RBM39: variants seen among roughly 807,000 people sequenced by gnomAD.
The protein encoded by RBM39 is RNA-binding protein 39.
RBM39 carries 12 observed loss-of-function variants against 79.6 expected under a neutral mutation model. That is an observed-to-expected ratio of 0.15 (90% CI 0.10 to 0.24). The LOEUF is 0.24. Among genes scored for constraint, RBM39 ranks in the 10% least tolerant of loss-of-function variants. RBM39 has a pLI of 1.00. For synonymous variants in RBM39, 185 were observed against 208.4 expected (o/e 0.89, Z 0.97); for missense variants, 243 against 653.4 (o/e 0.37, Z 6.85).
At chr20:35,716,339 G>C (rs890620264) in intron 10 of RBM39, among the ~76,000 whole-genome samples, 2 of 152,162 alleles carry the variant, frequency 1.3e-5, no homozygotes, top group African/African-American at 4.8e-5. Flanking sequence ...CTCCCAAAGT[G>C]CTGGGATTAC....
At chr20:35,729,785 C>A (rs141152319) in intron 4 of RBM39, among the ~76,000 whole-genome samples, 6 of 151,482 alleles carry the variant, frequency 4.0e-5, no homozygotes, top group African/African-American at 1.5e-4. Flanking sequence ...ATGCACACAC[C>A]CATTTTCAGA....
intron 13 of RBM39, 78 bp downstream of exon 13, chr20:35,709,146 A>G: frequency 7.5e-7 from 1 of 1,331,318 alleles, no homozygotes; most frequent in East Asian, 2.3e-5. Context: ...AAATATGACA[A>G]TAAATATAGA....
chr20:35,721,098 G>A (rs866903594), intron 9 of RBM39, among the ~76,000 whole-genome samples: 5 of 151,842 alleles, frequency 3.3e-5, no homozygotes, highest in East Asian at 1.9e-4. Context: ...GCACCAACAC[G>A]CCCAGCTAAT....
intron 2 of RBM39, 120 bp downstream of exon 2, chr20:35,740,704 G>T: frequency 7.7e-7 from 1 of 1,295,922 alleles, no homozygotes; most frequent in Non-Finnish European, 1.1e-6. Flanking sequence ...TACACGTAAT[G>T]CATCTCTGAT....
At chr20:35,725,225 C>G in intron 6 of RBM39, 70 bp from the exon 7 acceptor site, 5 of 1,097,916 alleles carry the variant, frequency 4.6e-6, no homozygotes, top group Non-Finnish European at 6.6e-6. Flanking sequence ...TTTTTTATTT[C>G]TTCATATAGT....
intron 12 of RBM39, among the ~76,000 whole-genome samples, chr20:35,710,132 AAT>A (rs2036223749): frequency 1.3e-5 from 2 of 152,154 alleles, no homozygotes; most frequent in Non-Finnish European, 2.9e-5. Context: ...TTTTTATAGA[AAT>A]ATATGACATC....
intron 3 of RBM39, chr20:35,736,696 G>A (rs368266321): frequency 1.7e-4 from 73 of 421,496 alleles, no homozygotes; most frequent in African/African-American, 1.4e-3. Context: ...CTGTCTCCAG[G>A]CTGGAGTACA....
At chr20:35,717,101 G>A (rs969088493) in intron 9 of RBM39, among the ~76,000 whole-genome samples, 1 of 152,030 alleles carries the variant, frequency 6.6e-6, no homozygotes, top group African/African-American at 2.4e-5. Context: ...CCAACATGAC[G>A]AAATCAGGTC....
intron 14 of RBM39, 81 bp from the exon 15 acceptor site, chr20:35,705,411 T>TA (rs1757927537): frequency 1.3e-6 from 1 of 797,818 alleles, no homozygotes; most frequent in Non-Finnish European, 1.9e-6. Context: ...AAAATTTAAA[T>TA]ATTCTATGAA....
intron 3 of RBM39, chr20:35,732,623 G>A (rs2039496131): frequency 1.3e-5 from 2 of 156,590 alleles, no homozygotes; most frequent in African/African-American, 2.4e-5. Context: ...AAAATCAGCA[G>A]ACAAGACATT....
intron 1 of RBM39, among the ~76,000 whole-genome samples, 197 bp from the exon 2 acceptor site, chr20:35,741,084 A>T (rs1433161879): frequency 9.1e-6 from 1 of 109,338 alleles, no homozygotes; most frequent in Non-Finnish European, 1.7e-5. Flanking sequence ...GCCCAGGCTG[A>T]AGTGCAGTAG....
At chr20:35,740,918 A>G (rs1292812021) in intron 1 of RBM39, 31 bp from the exon 2 acceptor site, 2 of 1,513,788 alleles carry the variant, frequency 1.3e-6, no homozygotes, top group South Asian at 1.2e-5. Flanking sequence ...TTTCTTGAGT[A>G]AACATTTCTC....
intron 10 of RBM39, among the ~76,000 whole-genome samples, chr20:35,715,229 C>T (rs1600441293): frequency 6.6e-6 from 1 of 152,200 alleles, no homozygotes; most frequent in South Asian, 2.1e-4. Context: ...GTTTCATATA[C>T]ATGAGTGGCA....
At chr20:35,709,459 G>C in intron 12 of RBM39, 185 bp from the exon 13 acceptor site, 2 of 549,570 alleles carry the variant, frequency 3.6e-6, no homozygotes. Context: ...CTCTTATCCT[G>C]GGAAACTTAC....
At chr20:35,704,847 C>G (rs1030125592) in intron 15 of RBM39, 101 bp from the exon 16 acceptor site, 1 of 937,104 alleles carries the variant, frequency 1.1e-6, no homozygotes, top group African/African-American at 1.7e-5. Flanking sequence ...TGCTCTATAA[C>G]CACAAACTGG....
chr20:35,711,437 G>A (rs1039892428), intron 12 of RBM39, among the ~76,000 whole-genome samples: 2 of 152,160 alleles, frequency 1.3e-5, no homozygotes, highest in African/African-American at 4.8e-5. Flanking sequence ...TAAATTATGT[G>A]TTAATCCAAT....
chr20:35,735,111 C>T, intron 3 of RBM39: 1 of 1,492,820 alleles, frequency 6.7e-7, no homozygotes. Context: ...ATAGAAAAGT[C>T]ATTTATTCCA....
chr20:35,740,015 CCG>C (rs1362906034), intron 2 of RBM39: 1 of 157,508 alleles, frequency 6.3e-6, no homozygotes, highest in Non-Finnish European at 1.4e-5. Context: ...TACTGAGATA[CCG>C]AAATGAGTCA....
chr20:35,734,330 TAC>T, intron 3 of RBM39: 2 of 839,412 alleles, frequency 2.4e-6, no homozygotes, highest in South Asian at 2.8e-5. Flanking sequence ...AAAATTAGGC[TAC>T]ACTCATTATT....
Sources: gnomAD v4.1 joint callset for allele counts (sites outside exome capture counted in the v4.1 genomes callset) on GRCh38, gnomAD v4.1.1 for gene constraint, MANE v1.5 for transcripts, NCBI Gene and HGNC (gene_info 2026-07-23, HGNC 2026-07-21) for gene names.